Variants in BRINP3 observed in about 807,000 individuals in gnomAD.
BRINP3 encodes the protein BMP/retinoic acid-inducible neural-specific protein 3.
BRINP3 carries 19 observed loss-of-function variants against 71.0 expected under a neutral mutation model. The observed-to-expected ratio is 0.27, with a 90% CI of 0.19 to 0.39. The LOEUF is 0.39. BRINP3 is among the 10% of genes least tolerant of loss of function. The pLI is 1.00. For synonymous variants in BRINP3, 380 were observed against 337.7 expected, an observed-to-expected ratio of 1.13 and a Z score of -1.37; for missense variants, 959 against 940.8, an observed-to-expected ratio of 1.02 and a Z score of -0.25.
At chr1:190,219,124 A>G (rs1558075926) in intron 6 of BRINP3, among the ~76,000 whole-genome samples, 1 of 152,242 alleles carries the variant, frequency 6.6e-6, no homozygotes, top group East Asian at 1.9e-4. Flanking sequence ...GAGCAAGCAT[A>G]TTTAACTATA....
chr1:190,354,314 C>T (rs1241496483), intron 2 of BRINP3, among the ~76,000 whole-genome samples: 1 of 151,710 alleles, frequency 6.6e-6, no homozygotes, highest in East Asian at 1.9e-4. Flanking sequence ...ATAATAGAAA[C>T]CAGGGACTCT....
chr1:190,280,668 C>A (rs927146314), intron 3 of BRINP3, among the ~76,000 whole-genome samples: 2 of 151,804 alleles, frequency 1.3e-5, no homozygotes, highest in African/African-American at 4.8e-5. Context: ...GCGAATCAGT[C>A]CGGCTATCTT....
chr1:190,355,271 A>G (rs1209298403), intron 2 of BRINP3, among the ~76,000 whole-genome samples: 2 of 151,888 alleles, frequency 1.3e-5, no homozygotes, highest in African/African-American at 4.8e-5. Flanking sequence ...TCTCCTAGTA[A>G]TGTAAATAAG....
intron 2 of BRINP3, among the ~76,000 whole-genome samples, chr1:190,384,993 T>G (rs926444990): frequency 6.8e-6 from 1 of 146,616 alleles, no homozygotes; most frequent in Admixed American, 6.8e-5. Context: ...TAATAAATGG[T>G]GCTGGGAAAA....
intron 2 of BRINP3, among the ~76,000 whole-genome samples, chr1:190,377,394 C>T (rs922386495): frequency 5.3e-5 from 8 of 152,048 alleles, no homozygotes; most frequent in Middle Eastern, 3.4e-3. Context: ...TGAAAGCCTT[C>T]TCCCTCATAT....
intron 7 of BRINP3, among the ~76,000 whole-genome samples, chr1:190,106,989 ACT>A (rs1278837489): frequency 6.6e-6 from 1 of 151,768 alleles, no homozygotes. Flanking sequence ...CTCACTACTT[ACT>A]CTCTTTTTAC....
chr1:190,185,805 T>C (rs988222370), intron 6 of BRINP3, among the ~76,000 whole-genome samples: 1 of 152,094 alleles, frequency 6.6e-6, no homozygotes, highest in Non-Finnish European at 1.5e-5. Context: ...AAAATAATTA[T>C]CTAGTCTACA....
chr1:190,393,553 T>C (rs1671386757), intron 2 of BRINP3, among the ~76,000 whole-genome samples: 2 of 151,646 alleles, frequency 1.3e-5, no homozygotes, highest in African/African-American at 4.8e-5. Flanking sequence ...AGCAGATTTT[T>C]TATATGCATT....
intron 2 of BRINP3, among the ~76,000 whole-genome samples, chr1:190,336,021 G>A (rs72729200): frequency 0.036 from 5,522 of 152,026 alleles, 153 homozygotes; most frequent in Middle Eastern, 0.065. Context: ...TGGCATTTCC[G>A]TCTTTTGGAA....
chr1:190,464,814 C>T (rs1342782811), intron 1 of BRINP3, among the ~76,000 whole-genome samples: 1 of 151,912 alleles, frequency 6.6e-6, no homozygotes, highest in Non-Finnish European at 1.5e-5. Context: ...TCATATAACT[C>T]TGCTAAACCT....
chr1:190,213,810 T>C (rs1558071525), intron 6 of BRINP3, among the ~76,000 whole-genome samples: 1 of 151,946 alleles, frequency 6.6e-6, no homozygotes. Flanking sequence ...TGGGGGAACA[T>C]ATTTAGGAAA....
chr1:190,293,627 C>T (rs981259038), intron 2 of BRINP3, among the ~76,000 whole-genome samples: 1 of 151,962 alleles, frequency 6.6e-6, no homozygotes, highest in African/African-American at 2.4e-5. Flanking sequence ...TTTTGAAGTC[C>T]CCTATTATCA....
intron 1 of BRINP3, among the ~76,000 whole-genome samples, chr1:190,460,439 A>G (rs1247260315): frequency 6.6e-6 from 1 of 152,028 alleles, no homozygotes; most frequent in Non-Finnish European, 1.5e-5. Flanking sequence ...TGAGGTAAAA[A>G]TATTTTAACA....
chr1:190,380,818 AC>A (rs1158915628), intron 2 of BRINP3, among the ~76,000 whole-genome samples: 1 of 152,146 alleles, frequency 6.6e-6, no homozygotes, highest in Non-Finnish European at 1.5e-5. Flanking sequence ...CTAAAAAAAA[AC>A]ACAATTTGTT....
At chr1:190,200,343 T>C (rs188900991) in intron 6 of BRINP3, among the ~76,000 whole-genome samples, 1 of 152,114 alleles carries the variant, frequency 6.6e-6, no homozygotes, top group Non-Finnish European at 1.5e-5. Context: ...ATTTTAGACT[T>C]CAGATGAATT....
At chr1:190,429,288 G>T (rs1034502466) in intron 2 of BRINP3, among the ~76,000 whole-genome samples, 3 of 152,134 alleles carry the variant, frequency 2.0e-5, no homozygotes, top group Non-Finnish European at 4.4e-5. Context: ...AGACTGGAAA[G>T]AATTTAAATG....
chr1:190,467,867 C>T (rs1676863731), intron 1 of BRINP3, among the ~76,000 whole-genome samples: 1 of 151,252 alleles, frequency 6.6e-6, no homozygotes, highest in Non-Finnish European at 1.5e-5. Flanking sequence ...ACAGTCTTTA[C>T]ATAAAAAAGA....
intron 7 of BRINP3, among the ~76,000 whole-genome samples, chr1:190,106,463 A>G (rs1480249486): frequency 1.3e-5 from 2 of 151,618 alleles, no homozygotes; most frequent in Admixed American, 6.6e-5. Flanking sequence ...AAGGATTTTA[A>G]AAGTATAATA....
chr1:190,431,709 C>G (rs1401819999), intron 2 of BRINP3, among the ~76,000 whole-genome samples: 1 of 151,990 alleles, frequency 6.6e-6, no homozygotes, highest in Non-Finnish European at 1.5e-5. Flanking sequence ...GAAGATTTCA[C>G]TTCAAATGAA....
Sources: gnomAD v4.1 joint callset for allele counts (sites outside exome capture counted in the v4.1 genomes callset) on GRCh38, gnomAD v4.1.1 for gene constraint, MANE v1.5 for transcripts, NCBI Gene and HGNC (gene_info 2026-07-23, HGNC 2026-07-21) for gene names.